The following CADM2 variants were observed in gnomAD, a reference collection of about 807,000 sequenced individuals.
CADM2 encodes the protein cell adhesion molecule 2.
CADM2 carries 12 observed loss-of-function variants against 49.8 expected under a neutral mutation model. That is an observed-to-expected ratio of 0.24 (90% CI 0.15 to 0.39). The LOEUF (loss-of-function observed/expected upper bound fraction) is 0.39. Among genes scored for constraint, CADM2 ranks in the 10% least tolerant of loss-of-function variants. The pLI is 1.00. For missense variants in CADM2, 378 were observed against 492.3 expected, an observed-to-expected ratio of 0.77 and a Z score of 2.20; for synonymous variants, 214 against 175.4, an observed-to-expected ratio of 1.22 and a Z score of -1.74.
chr3:85,556,032 A>C lies in CADM2; in HGVS notation c.62-170490A>C, dbSNP rs186586393. Among the ~76,000 whole-genome samples the C allele has an allele frequency of 1.5e-3, 228 of 152,104 alleles. 2 individuals are homozygous for C. The highest frequency in any genetic ancestry group is 2.9e-3 in the Non-Finnish European group (195 of 67,986). ...AAGAACACAAGGATCAGGGGCATTG[A>C]CCCCCATGTAGTTGAAAATCTGTGA... On this transcript the variant is annotated intron_variant, in intron 1 of 9. Transcript: ENST00000383699.
chr3:85,909,161 C>T (rs550327791), intron 5 of CADM2, among the ~76,000 whole-genome samples: 5 of 152,158 alleles, frequency 3.3e-5, no homozygotes, highest in African/African-American at 7.2e-5. Context: ...CCAGAAAACC[C>T]GAATATATTC....
At chr3:85,827,800 G>C (rs987655123) in intron 3 of CADM2, among the ~76,000 whole-genome samples, 1 of 151,700 alleles carries the variant, frequency 6.6e-6, no homozygotes, top group Non-Finnish European at 1.5e-5. Flanking sequence ...CTCATATATC[G>C]TACTCAAAGT....
At chr3:85,560,183 G>A (rs2062057931) in intron 1 of CADM2, among the ~76,000 whole-genome samples, 1 of 152,160 alleles carries the variant, frequency 6.6e-6, no homozygotes, top group African/African-American at 2.4e-5. Flanking sequence ...GCCTGCGGTT[G>A]CTTTCAAAAC....
intron 1 of CADM2, among the ~76,000 whole-genome samples, chr3:85,709,841 T>C (rs1412430724): frequency 6.6e-6 from 1 of 152,152 alleles, no homozygotes; most frequent in East Asian, 1.9e-4. Context: ...TATTCATAAA[T>C]CTCTTTGAAA....
At chr3:85,229,123 C>T (rs2107808188) in intron 1 of CADM2, among the ~76,000 whole-genome samples, 1 of 152,280 alleles carries the variant, frequency 6.6e-6, no homozygotes, top group African/African-American at 2.4e-5. Context: ...ATAAAACTGC[C>T]TATTCAGGCC....
At chr3:85,100,414 T>C (rs1301491238) in intron 1 of CADM2, among the ~76,000 whole-genome samples, 1 of 152,220 alleles carries the variant, frequency 6.6e-6, no homozygotes, top group Non-Finnish European at 1.5e-5. Context: ...TGCTAAATAT[T>C]CAACATTTTC....
intron 1 of CADM2, among the ~76,000 whole-genome samples, chr3:85,719,403 C>T (rs2067418577): frequency 6.6e-6 from 1 of 152,170 alleles, no homozygotes; most frequent in African/African-American, 2.4e-5. Flanking sequence ...TCAAGGAAAA[C>T]TCCTAACTCC....
chr3:86,008,620 C>T (rs1221102965), intron 8 of CADM2, among the ~76,000 whole-genome samples: 3 of 151,990 alleles, frequency 2.0e-5, no homozygotes, highest in Non-Finnish European at 4.4e-5. Context: ...AAAATCCAGT[C>T]ACCAAAGAGG....
chr3:85,113,661 A>T, intron 1 of CADM2, among the ~76,000 whole-genome samples: 1 of 146,692 alleles, frequency 6.8e-6, no homozygotes, highest in East Asian at 2.0e-4. Flanking sequence ...TTATTTTAAT[A>T]TTTATTGCTT....
At chr3:85,625,569 G>A (rs1284480117) in intron 1 of CADM2, among the ~76,000 whole-genome samples, 2 of 151,972 alleles carry the variant, frequency 1.3e-5, no homozygotes, top group African/African-American at 2.4e-5. Flanking sequence ...TAAGTGAGCA[G>A]TTTAAATGCA....
At chr3:85,214,455 C>G (rs1278846384) in intron 1 of CADM2, among the ~76,000 whole-genome samples, 1 of 152,026 alleles carries the variant, frequency 6.6e-6, no homozygotes, top group Non-Finnish European at 1.5e-5. Context: ...CCTGTATTCC[C>G]TTAAGGCCCA....
intron 1 of CADM2, among the ~76,000 whole-genome samples, chr3:85,565,963 G>A (rs1160963190): frequency 6.6e-6 from 1 of 151,900 alleles, no homozygotes; most frequent in Non-Finnish European, 1.5e-5. Flanking sequence ...TATGAAAGAT[G>A]GCTCAAAAGG....
intron 1 of CADM2, among the ~76,000 whole-genome samples, chr3:85,193,158 A>T (rs554374143): frequency 6.6e-6 from 1 of 152,186 alleles, no homozygotes; most frequent in South Asian, 2.1e-4. Flanking sequence ...TAGGGTATAT[A>T]TGGGATATAT....
chr3:85,775,603 T>A (rs1186901407), intron 2 of CADM2, among the ~76,000 whole-genome samples: 1 of 151,864 alleles, frequency 6.6e-6, no homozygotes, highest in Non-Finnish European at 1.5e-5. Flanking sequence ...CTATGCTGAA[T>A]TTTCTTGTTT....
chr3:85,723,562 C>G (rs1203824649), intron 1 of CADM2, among the ~76,000 whole-genome samples: 1 of 152,022 alleles, frequency 6.6e-6, no homozygotes, highest in Non-Finnish European at 1.5e-5. Context: ...TTATATTAAC[C>G]TAGTCTAGTA....
intron 1 of CADM2, among the ~76,000 whole-genome samples, chr3:85,209,470 G>A (rs2041725544): frequency 1.3e-5 from 2 of 152,058 alleles, no homozygotes; most frequent in African/African-American, 2.4e-5. Context: ...TTCCATTTAT[G>A]TACTTAAATA....
intron 1 of CADM2, among the ~76,000 whole-genome samples, chr3:85,386,151 G>C (rs914669633): frequency 8.5e-5 from 13 of 152,198 alleles, no homozygotes; most frequent in Admixed American, 5.2e-4. Context: ...GAGACCACAG[G>C]CCTCTGGAGG....
At chr3:85,368,565 A>AATATATAT (rs765795600) in intron 1 of CADM2, among the ~76,000 whole-genome samples, 1 of 147,306 alleles carries the variant, frequency 6.8e-6, no homozygotes, top group Non-Finnish European at 1.5e-5. Flanking sequence ...TATATACCTG[A>AATATATAT]ATATATATAT....
At chr3:86,031,132 A>C (rs530361397) in intron 8 of CADM2, among the ~76,000 whole-genome samples, 4 of 151,984 alleles carry the variant, frequency 2.6e-5, no homozygotes, top group Admixed American at 2.6e-4. Context: ...ATTAAATTAC[A>C]TAAGTAATAT....
Sources: gnomAD v4.1 joint callset for allele counts (sites outside exome capture counted in the v4.1 genomes callset) on GRCh38, gnomAD v4.1.1 for gene constraint, MANE v1.5 for transcripts, NCBI Gene and HGNC (gene_info 2026-07-23, HGNC 2026-07-21) for gene names.